TRIM59: variants seen among roughly 807,000 people sequenced by gnomAD.
TRIM59 encodes tripartite motif containing 59.
TRIM59 carries 14 observed loss-of-function variants against 32.2 expected under a neutral mutation model. The observed-to-expected ratio is 0.43, with a 90% CI of 0.29 to 0.68. The LOEUF is 0.68. Among genes scored for constraint, TRIM59 ranks in the 30% least tolerant of loss-of-function variants. The pLI is 0.15. For missense variants in TRIM59, 471 were observed against 463.3 expected (o/e 1.02, Z -0.15); for synonymous variants, 163 against 155.1 (o/e 1.05, Z -0.38).
intron 1 of TRIM59, 48 bp downstream of exon 1, chr3:160,449,669 A>C (rs1577022660): frequency 1.6e-6 from 2 of 1,289,552 alleles, no homozygotes; most frequent in Non-Finnish European, 2.0e-6. Context: ...GAAAAGAAAA[A>C]GGACTCAGAA....
intron 2 of TRIM59, among the ~76,000 whole-genome samples, chr3:160,446,893 CCCAAAA>C (rs1719564814): frequency 6.6e-6 from 1 of 152,104 alleles, no homozygotes. Context: ...ACAGTTTTAT[CCCAAAA>C]CCATGCACCA....
rs940807555 is a variant in TRIM59, at chr3:160,437,497, C to A, written c.*475G>T. 2 of 985,492 alleles carry A rather than the reference C, an allele frequency of 2.0e-6. No individual in the cohort carries two copies. The highest frequency in any genetic ancestry group is 3.5e-5 in the African/African-American group (2 of 57,358). 61.0% of individuals were successfully genotyped at this position (985,492 alleles called of 1,614,324 possible). ...TTGATCAAAAGATCTTTAAGCCATG[C>A]CTTATCACTTTAAGACTTTGTTGCT... On this transcript the variant is annotated 3_prime_UTR_variant, in exon 3 of 3. Transcript: ENST00000309784.
Position 160,449,741 on chromosome 3 carries a change from A to C in TRIM59, c.-98T>G. On this transcript the variant is annotated 5_prime_UTR_variant, in exon 1 of 3. Coordinates refer to ENST00000309784, the MANE Select transcript of TRIM59 (RefSeq NM_173084.3). ...CCGCGGGGAGGAAGCGGACCAGGCA[A>C]CTCCACAGCACGGAAACACAGCGCC... 1 of 1,289,382 alleles carries C rather than the reference A, an allele frequency of 7.8e-7. No homozygotes were observed. Among genetic ancestry groups the C allele is most frequent in the South Asian group, 1.2e-5 (1 of 81,004 alleles). The allele number at this position is 1,289,382 out of a possible 1,614,324, so 79.9% of individuals were successfully genotyped here.
Position 160,436,754 on chromosome 3 carries a change from C to G in TRIM59, c.*1218G>C, listed in dbSNP as rs1401904604. The G allele has an allele frequency of 4.0e-6, 3 of 742,718 alleles. No homozygotes were observed. The African/African-American group carries it at 6.4e-5, about 16-fold the overall frequency. The allele number at this position is 742,718 out of a possible 1,614,324, so 46.0% of individuals were successfully genotyped here. On this transcript the variant is annotated 3_prime_UTR_variant, in exon 3 of 3. Transcript: ENST00000309784. ...CGGGGCTTGCAATGAGCCGAGATCACGCCACTGCACTCCAGCCTGGGCGAC... is the reference window on the plus strand; with the variant it reads ...CGGGGCTTGCAATGAGCCGAGATCAGGCCACTGCACTCCAGCCTGGGCGAC...
rs1213859908 is a variant in TRIM59, at chr3:160,438,332, T to C, written c.852A>G (p.Ile284Met). Residue 284 changes from isoleucine (I) to methionine (M), a missense_variant, in exon 3 of 3, where the codon ATA (isoleucine) becomes ATG (methionine). Ile to Met is a conservative substitution (Grantham distance 10, BLOSUM62 1). Coordinates refer to ENST00000309784, the MANE Select transcript of TRIM59 (RefSeq NM_173084.3). ...PVEIYPRVSKILKEEWSRTEI... is the reference protein window; with the variant it reads ...PVEIYPRVSKMLKEEWSRTEI... ...CTGTTCTGCTCCATTCTTCTTTCAA[T>C]ATTTTGCTTACTCGAGGATAAATTT... 6.2e-7 allele frequency: 1 copy of C among 1,613,368 alleles called. No individual in the cohort carries two copies. Among genetic ancestry groups the C allele is most frequent in the East Asian group, 2.2e-5 (1 of 44,866 alleles).
intron 2 of TRIM59, among the ~76,000 whole-genome samples, chr3:160,442,759 T>C (rs553586526): frequency 6.6e-6 from 1 of 152,294 alleles, no homozygotes; most frequent in Non-Finnish European, 1.5e-5. Flanking sequence ...CAAGAGAAAC[T>C]AGAACTGAAA....
intron 2 of TRIM59, among the ~76,000 whole-genome samples, chr3:160,443,987 T>C (rs914518492): frequency 6.6e-6 from 1 of 152,042 alleles, no homozygotes; most frequent in Non-Finnish European, 1.5e-5. Flanking sequence ...ATGAAACATA[T>C]TGAGAGGTAA....
Position 160,438,396 on chromosome 3 carries a change from A to T in TRIM59, c.788T>A (p.Ile263Asn). ...CTCAGGAAGTGGTCTTTGTTTCAAG[A>T]TCTGTACATGCTGGCGTACATCATC... is the stretch of plus-strand genomic sequence containing the variant. ...KVDDVRQHVQ[I>N]LKQRPLPEVQ... Residue 263 changes from isoleucine to asparagine, a missense_variant, in exon 3 of 3, where the codon ATC becomes AAC. Physicochemically the swap from Ile to Asn is moderately radical, Grantham distance 149. Coordinates refer to ENST00000309784, the MANE Select transcript of TRIM59 (RefSeq NM_173084.3). The T allele has an allele frequency of 6.2e-7, 1 of 1,613,932 alleles. No individual in the cohort carries two copies.
At position 160,436,989 on chromosome 3, in the gene TRIM59, T is replaced by A. The variant is rs1719008823; in HGVS notation, c.*983A>T. ...AATGAGTTTTTAATCCAAGAACTGA[T>A]TTGACTGACGAGCAGAAAAAAAAAC... On this transcript the variant is annotated 3_prime_UTR_variant, in exon 3 of 3. Transcript: ENST00000309784. 2 of 985,150 alleles carry A rather than the reference T, an allele frequency of 2.0e-6. No individual in the cohort carries two copies. Among genetic ancestry groups the A allele is most frequent in the East Asian group, 2.3e-4 (2 of 8,808 alleles). 61.0% of individuals were successfully genotyped at this position (985,150 alleles called of 1,614,324 possible). A position where few individuals can be genotyped will look rare whatever the true frequency, so the allele number is the denominator to read the frequency against.
At chr3:160,444,150 A>G (rs1320773620) in intron 2 of TRIM59, among the ~76,000 whole-genome samples, 1 of 152,324 alleles carries the variant, frequency 6.6e-6, no homozygotes, top group South Asian at 2.1e-4. Context: ...TGAGGGGGAA[A>G]ATAAGGGAAG....
intron 2 of TRIM59, among the ~76,000 whole-genome samples, chr3:160,443,645 CT>C (rs75761921): frequency 2.4e-4 from 36 of 147,090 alleles, no homozygotes; most frequent in Admixed American, 3.4e-4. Context: ...AAAGACAGAT[CT>C]TTTTTTTTTT....
rs1443073461 is a variant in TRIM59, at chr3:160,438,936, A to G, written c.248T>C (p.Ile83Thr). 6.2e-6 allele frequency: 10 copies of G among 1,614,124 alleles called. No homozygotes were observed. The highest frequency in any genetic ancestry group is 2.2e-5 in the East Asian group (1 of 44,868). The change falls in exon 3 of 3, where the codon ATT (isoleucine) becomes ACT (threonine). Residue 83 changes from isoleucine (I) to threonine (T), a missense_variant. By Grantham distance (89) the Ile-to-Thr change is moderately conservative (BLOSUM62 -1). Transcript: ENST00000309784. ...ATGGTCTTCTTGCTGGTACTTTTCA[A>G]TAATAGCCCTTAGTGCAAAATTAAC... ...LPVNFALRAI[I>T]EKYQQEDHPD...
At chr3:160,445,855 C>A (rs1438110971) in intron 2 of TRIM59, among the ~76,000 whole-genome samples, 2 of 151,892 alleles carry the variant, frequency 1.3e-5, no homozygotes, top group African/African-American at 2.4e-5. Flanking sequence ...GCTCTGTCAC[C>A]AGGGCTGGAA....
At chr3:160,441,822 A>T (rs1719269441) in intron 2 of TRIM59, among the ~76,000 whole-genome samples, 1 of 152,128 alleles carries the variant, frequency 6.6e-6, no homozygotes, top group Admixed American at 6.6e-5. Context: ...TCAGATCCCG[A>T]ATGAGCCAAA....
At chr3:160,448,857 G>A (rs1719671953) in intron 1 of TRIM59, 62 bp from the exon 2 acceptor site, 1 of 935,090 alleles carries the variant, frequency 1.1e-6, no homozygotes. Flanking sequence ...CATAAAAATG[G>A]TTGTTAGTTC....
In TRIM59 at chr3:160,435,535, ATT is replaced by A. The variant is rs1718890143; in HGVS notation, c.*2435_*2436del. The A allele has an allele frequency of 6.0e-6, 1 of 166,354 alleles. No individual in the cohort carries two copies. The highest frequency in any genetic ancestry group is 1.3e-5 in the Non-Finnish European group (1 of 76,874). The allele number at this position is 166,354 out of a possible 1,614,324, so 10.3% of individuals were successfully genotyped here. On this transcript the variant is annotated 3_prime_UTR_variant, in exon 3 of 3. Transcript: ENST00000309784. ...TCAAAAGAAGTTTATTAAAATACAT[ATT>A]TTGTTATACATAAAACTTAGAAATA...
Position 160,437,470 on chromosome 3 carries a change from G to A in TRIM59, c.*502C>T. 5 of 985,386 alleles carry A rather than the reference G, an allele frequency of 5.1e-6. No individual in the cohort carries two copies. Among genetic ancestry groups the A allele is most frequent in the Non-Finnish European group, 6.0e-6 (5 of 829,886 alleles). 61.0% of individuals were successfully genotyped at this position (985,386 alleles called of 1,614,324 possible). A position where few individuals can be genotyped will look rare whatever the true frequency, so the allele number is the denominator to read the frequency against. On this transcript the variant is annotated 3_prime_UTR_variant, in exon 3 of 3. Transcript: ENST00000309784. Reference sequence around the variant, plus strand: ...TTAAATCTATCTCAAACACAGGTATGTTTGATCAAAAGATCTTTAAGCCAT... The same window carrying A: ...TTAAATCTATCTCAAACACAGGTATATTTGATCAAAAGATCTTTAAGCCAT...
intron 2 of TRIM59, 25 bp from the exon 3 acceptor site, chr3:160,439,211 A>G: frequency 6.7e-7 from 1 of 1,486,666 alleles, no homozygotes; most frequent in Non-Finnish European, 8.9e-7. Flanking sequence ...ATGTATTTTA[A>G]GTTTACATAG....
Position 160,438,037 on chromosome 3 carries a change from T to G in TRIM59, c.1147A>C (p.Lys383Gln). The G allele has an allele frequency of 1.3e-6, 2 of 1,590,968 alleles. No individual in the cohort carries two copies. Among genetic ancestry groups the G allele is most frequent in the Non-Finnish European group, 1.7e-6 (2 of 1,173,788 alleles). ...QSLSNSLHKV[K>Q]NILCHIFYLL... ...TAGAAAATGTGACACAGTATATTCT[T>G]TACCTTATGCAGACTGTTAGATAAA... The change falls in exon 3 of 3, where the codon AAG becomes CAG. Residue 383 changes from lysine to glutamine, a missense_variant. By Grantham distance (53) the Lys-to-Gln change is moderately conservative. Coordinates refer to ENST00000309784, the MANE Select transcript of TRIM59 (RefSeq NM_173084.3).
Sources: allele counts gnomAD v4.1 joint callset (sites outside exome capture counted in the v4.1 genomes callset), GRCh38; gene constraint gnomAD v4.1.1; transcripts MANE v1.5; gene names NCBI Gene and HGNC (gene_info 2026-07-23, HGNC 2026-07-21).